TLN2: variants seen among roughly 807,000 people sequenced by gnomAD.
TLN2 encodes the protein talin 2, also known as talin-2.
In TLN2, 118 loss-of-function variants were observed where a neutral mutation model predicts 294.7. The observed-to-expected ratio is 0.40, with a 90% CI of 0.34 to 0.47. The LOEUF is 0.47. Among genes scored for constraint, TLN2 ranks in the 20% least tolerant of loss-of-function variants. The probability of loss-of-function intolerance (pLI) is 0.84; values close to 1 mark genes in which losing one functional copy is unlikely to be tolerated. For synonymous variants in TLN2, 1,431 were observed against 1,304.5 expected (o/e 1.10, Z -2.09); for missense variants, 3,083 against 3,282.2 (o/e 0.94, Z 1.48).
intron 3 of TLN2, among the ~76,000 whole-genome samples, chr15:62,646,575 G>T (rs751332256): frequency 3.3e-5 from 5 of 152,188 alleles, no homozygotes; most frequent in African/African-American, 4.8e-5. Flanking sequence ...CCCCAATCAC[G>T]TGAAGCTTCT....
intron 9 of TLN2, among the ~76,000 whole-genome samples, chr15:62,658,470 A>G (rs1354482429): frequency 6.6e-6 from 1 of 152,168 alleles, no homozygotes; most frequent in African/African-American, 2.4e-5. Flanking sequence ...GTGGCAGAGA[A>G]TGCCTGGCCA....
intron 54 of TLN2, among the ~76,000 whole-genome samples, chr15:62,826,703 A>C (rs1246407314): frequency 4.6e-5 from 5 of 108,248 alleles, no homozygotes; most frequent in African/African-American, 1.7e-4. Context: ...AGTAGCAGCC[A>C]AACTTGCAAC....
At chr15:62,519,982 G>A (rs917789611) in intron 1 of TLN2, among the ~76,000 whole-genome samples, 6 of 152,206 alleles carry the variant, frequency 3.9e-5, no homozygotes, top group African/African-American at 1.2e-4. Flanking sequence ...GGTGGAAGGC[G>A]AAAGGCACGT....
At chr15:62,572,345 A>G in intron 1 of TLN2, among the ~76,000 whole-genome samples, 1 of 151,946 alleles carries the variant, frequency 6.6e-6, no homozygotes, top group East Asian at 1.9e-4. Context: ...GGAACAAGTG[A>G]TCCTTCCACC....
At chr15:62,731,219 T>C (rs994435076) in intron 28 of TLN2, among the ~76,000 whole-genome samples, 2 of 152,192 alleles carry the variant, frequency 1.3e-5, no homozygotes, top group Non-Finnish European at 2.9e-5. Flanking sequence ...ATCACAGTTA[T>C]TTAAAGTTGA....
At chr15:62,653,128 T>A (rs923412471) in intron 6 of TLN2, 34 bp from the exon 7 acceptor site, 1 of 1,491,480 alleles carries the variant, frequency 6.7e-7, no homozygotes, top group East Asian at 2.5e-5. Context: ...GCAGTTTAAT[T>A]ATTTATAATT....
At position 62,506,360 on chromosome 15, in the gene TLN2, C is replaced by G. The variant is rs553706431; in HGVS notation, c.-237-83327C>G. On this transcript the variant is annotated intron_variant, in intron 1 of 58. Transcript: ENST00000636159. ...ATGAGGGGCAGAGAGTGAGGAGACT[C>G]TGCTATGGTGCCTTCCAAACAGGAA... Among the ~76,000 whole-genome samples the G allele has an allele frequency of 1.7e-4, 26 of 152,296 alleles. No homozygotes were observed. In the South Asian group the frequency reaches 4.1e-3, roughly 24 times the overall value.
chr15:62,566,144 A>G (rs2043373843), intron 1 of TLN2, among the ~76,000 whole-genome samples: 2 of 152,096 alleles, frequency 1.3e-5, no homozygotes, highest in Non-Finnish European at 2.9e-5. Flanking sequence ...GGTATGCGTT[A>G]TATCCCTGAG....
intron 2 of TLN2, among the ~76,000 whole-genome samples, chr15:62,612,548 T>G (rs1023788176): frequency 6.6e-6 from 1 of 152,212 alleles, no homozygotes; most frequent in Non-Finnish European, 1.5e-5. Context: ...CCTGGGGGTC[T>G]TTATGGTAAG....
In TLN2 at chr15:62,701,184, G is replaced by T; in HGVS notation, c.1666G>T (p.Gly556Ter). The change falls in exon 17 of 59, where the codon GGA becomes TGA. Residue 556 changes from glycine to a stop codon, truncating the protein, a stop_gained. Coordinates refer to ENST00000636159, the MANE Select transcript of TLN2 (RefSeq NM_015059.3). LOFTEE classifies it high-confidence loss of function. Reference protein sequence around the residue: ...IHSQVDAITAGTASVVNLTAG... With the variant: ...IHSQVDAITA The stretch of plus-strand genomic sequence containing the variant: ...TTCTCAAGTTGATGCTATCACGGCC[G>T]GAACGGCTTCAGTTGTTAACCTCAC... 1 of 1,614,032 alleles carries T rather than the reference G, an allele frequency of 6.2e-7. No individual in the cohort carries two copies.
intron 3 of TLN2, among the ~76,000 whole-genome samples, chr15:62,632,123 C>G (rs2049958753): frequency 6.6e-6 from 1 of 152,190 alleles, no homozygotes; most frequent in Non-Finnish European, 1.5e-5. Context: ...TCTAGACAGC[C>G]CCAGCGCCTG....
intron 1 of TLN2, among the ~76,000 whole-genome samples, chr15:62,406,208 G>A (rs1276557338): frequency 1.3e-5 from 2 of 152,190 alleles, no homozygotes; most frequent in Non-Finnish European, 2.9e-5. Context: ...AAGTCTAAGA[G>A]CAAGGATTTA....
chr15:62,587,811 T>A (rs150825126), intron 1 of TLN2, among the ~76,000 whole-genome samples: 1 of 152,216 alleles, frequency 6.6e-6, no homozygotes, highest in African/African-American at 2.4e-5. Context: ...GCCTATAACA[T>A]TGGTTATTTA....
At chr15:62,642,850 C>T (rs930284137) in intron 3 of TLN2, among the ~76,000 whole-genome samples, 1 of 151,850 alleles carries the variant, frequency 6.6e-6, no homozygotes, top group Admixed American at 6.6e-5. Context: ...TACAGGTGCC[C>T]ACCACCACGC....
At chr15:62,676,552 G>C (rs552592398) in intron 11 of TLN2, among the ~76,000 whole-genome samples, 53 of 152,298 alleles carry the variant, frequency 3.5e-4, no homozygotes, top group African/African-American at 1.2e-3. Context: ...TTAGTAAACA[G>C]CCATCCATCA....
intron 9 of TLN2, among the ~76,000 whole-genome samples, chr15:62,658,529 C>T (rs933809339): frequency 1.3e-5 from 2 of 152,176 alleles, no homozygotes; most frequent in African/African-American, 4.8e-5. Context: ...AAAAGCAAAC[C>T]TCTGCCCTTG....
chr15:62,737,169 C>G (rs2061067202), intron 29 of TLN2, 83 bp downstream of exon 29: 1 of 1,418,328 alleles, frequency 7.1e-7, no homozygotes, highest in Admixed American at 1.9e-5. Flanking sequence ...GGGCACTTTT[C>G]CCTGATATGA....
chr15:62,630,591 T>G (rs1397136806), intron 3 of TLN2, among the ~76,000 whole-genome samples: 1 of 152,228 alleles, frequency 6.6e-6, no homozygotes, highest in Non-Finnish European at 1.5e-5. Context: ...ACATTGATTT[T>G]TTTTATTTCT....
At chr15:62,557,812 A>G (rs2042694016) in intron 1 of TLN2, among the ~76,000 whole-genome samples, 1 of 152,226 alleles carries the variant, frequency 6.6e-6, no homozygotes, top group East Asian at 1.9e-4. Flanking sequence ...AAGTGTTGGG[A>G]TTACAGGCGT....
Sources: allele counts gnomAD v4.1 joint callset (sites outside exome capture counted in the v4.1 genomes callset), GRCh38; gene constraint gnomAD v4.1.1; transcripts MANE v1.5; gene names NCBI Gene and HGNC (gene_info 2026-07-23, HGNC 2026-07-21).